The following INPP5A variants were observed in gnomAD, a reference collection of about 807,000 sequenced individuals.
The protein encoded by INPP5A is inositol polyphosphate-5-phosphatase A, also known as 43 kDa inositol polyphosphate 5-phophatase.
In INPP5A, 14 loss-of-function variants were observed where a neutral mutation model predicts 65.2. That is an observed-to-expected ratio of 0.21 (90% CI 0.14 to 0.34). The LOEUF (loss-of-function observed/expected upper bound fraction) is 0.34, where lower values mean the gene tolerates loss of function less well. INPP5A is among the 10% of genes least tolerant of loss of function. The pLI, the probability that INPP5A is intolerant of heterozygous loss-of-function variation, is 1.00. For missense variants in INPP5A, 431 were observed against 545.6 expected, an observed-to-expected ratio of 0.79 and a Z score of 2.09; for synonymous variants, 207 against 208.3, an observed-to-expected ratio of 0.99 and a Z score of 0.05.
intron 6 of INPP5A, among the ~76,000 whole-genome samples, chr10:132,699,105 T>C (rs544306260): frequency 2.6e-5 from 4 of 152,322 alleles, no homozygotes; most frequent in Non-Finnish European, 5.9e-5. Context: ...GAAAGCTCCA[T>C]GGTCTTCTCC....
At chr10:132,604,331 C>T (rs775931209) in intron 1 of INPP5A, among the ~76,000 whole-genome samples, 2 of 151,408 alleles carry the variant, frequency 1.3e-5, no homozygotes, top group African/African-American at 4.9e-5. Flanking sequence ...GCGCCCTGTG[C>T]CATCAGGGTC....
chr10:132,570,200 G>C (rs1277504939), intron 1 of INPP5A, among the ~76,000 whole-genome samples: 3 of 152,218 alleles, frequency 2.0e-5, no homozygotes, highest in African/African-American at 7.2e-5. Context: ...ACTCGCCTCA[G>C]CCTCCCAAAG....
intron 1 of INPP5A, among the ~76,000 whole-genome samples, chr10:132,559,877 T>C (rs540872139): frequency 1.3e-5 from 2 of 152,380 alleles, no homozygotes; most frequent in South Asian, 4.1e-4. Flanking sequence ...TCACATTTCA[T>C]GTATCTGTTC....
At chr10:132,711,149 C>G (rs1564976590) in intron 8 of INPP5A, among the ~76,000 whole-genome samples, 1 of 152,172 alleles carries the variant, frequency 6.6e-6, no homozygotes, top group African/African-American at 2.4e-5. Flanking sequence ...GAATAGGACA[C>G]TGAAGAGTCA....
At chr10:132,579,421 C>T (rs963436342) in intron 1 of INPP5A, among the ~76,000 whole-genome samples, 8 of 152,058 alleles carry the variant, frequency 5.3e-5, no homozygotes, top group African/African-American at 1.2e-4. Flanking sequence ...ACCGGTGGCT[C>T]TGGTGGGAGC....
chr10:132,639,131 T>C (rs1169352473), intron 2 of INPP5A, among the ~76,000 whole-genome samples: 1 of 152,144 alleles, frequency 6.6e-6, no homozygotes, highest in East Asian at 1.9e-4. Flanking sequence ...TTCCTGCCTT[T>C]CCTTATTCTT....
At chr10:132,755,596 A>T (rs55853832) in intron 11 of INPP5A, among the ~76,000 whole-genome samples, 2,618 of 146,400 alleles carry the variant, frequency 0.018, 39 homozygotes, top group South Asian at 0.04. Flanking sequence ...GTGAGCAGGC[A>T]TATGCATATG....
chr10:132,572,262 G>A (rs1410309815), intron 1 of INPP5A, among the ~76,000 whole-genome samples: 3 of 152,198 alleles, frequency 2.0e-5, no homozygotes, highest in Non-Finnish European at 4.4e-5. Context: ...GAAGAATGTC[G>A]GAGTTTCTCA....
chr10:132,731,087 G>C (rs1846076555), intron 9 of INPP5A, among the ~76,000 whole-genome samples: 1 of 152,202 alleles, frequency 6.6e-6, no homozygotes, highest in South Asian at 2.1e-4. Flanking sequence ...TGGGCCCTGG[G>C]TGGGGTCTCC....
rs1278798625 is a variant in INPP5A, at chr10:132,545,914, G to T, written c.75+7743G>T. ...TTGCTGCCTCCGCTCGGCCTGAGGT[G>T]ATGAGAGTGTGGATGGCACCTGCAC... On this transcript the variant is annotated intron_variant, in intron 1 of 15. Transcript: ENST00000368594. The surrounding 1 kb of genome is among the most constrained non-coding windows in gnomAD (Gnocchi z 4.6). Among the ~76,000 whole-genome samples the T allele has an allele frequency of 6.6e-6, 1 of 152,254 alleles. No homozygotes were observed. The highest frequency in any genetic ancestry group is 2.4e-5 in the African/African-American group (1 of 41,474).
chr10:132,776,906 C>T (rs944271401), intron 12 of INPP5A, among the ~76,000 whole-genome samples: 6 of 152,166 alleles, frequency 3.9e-5, no homozygotes, highest in African/African-American at 9.6e-5. Context: ...TGTGTGAGGG[C>T]GGGGGCCAAT....
Position 132,676,761 on chromosome 10 carries a change from G to A in INPP5A, c.307-13631G>A, listed in dbSNP as rs539824806. Among the ~76,000 whole-genome samples, 4 of 152,262 alleles carry A rather than the reference G, an allele frequency of 2.6e-5. No individual in the cohort carries two copies. The highest frequency in any genetic ancestry group is 4.1e-4 in the South Asian group (2 of 4,820). ...CTGACCGGCCCCTCCTGTTTCCCCC[G>A]TGGCTCCTTGCCCCACTGACTGCTG... On this transcript the variant is annotated intron_variant, in intron 4 of 15. Coordinates refer to ENST00000368594, the MANE Select transcript of INPP5A (RefSeq NM_005539.5). This position sits in a 1 kb window ranked among gnomAD's most constrained non-coding sequence, Gnocchi z 4.0.
At chr10:132,614,061 C>T (rs932872155) in intron 2 of INPP5A, among the ~76,000 whole-genome samples, 3 of 152,168 alleles carry the variant, frequency 2.0e-5, no homozygotes, top group African/African-American at 4.8e-5. Flanking sequence ...GTGCCTCCAT[C>T]GCCAGTCGTG....
intron 4 of INPP5A, among the ~76,000 whole-genome samples, chr10:132,656,731 A>G (rs1178843135): frequency 6.6e-6 from 1 of 152,148 alleles, no homozygotes; most frequent in African/African-American, 2.4e-5. Context: ...CGGGCTCCTG[A>G]GAGGATTTTT....
rs548374025 is a variant in INPP5A at position 132,647,147 on chromosome 10, G to A, written c.218+1179G>A. On this transcript the variant is annotated intron_variant, in intron 3 of 15. Transcript: ENST00000368594. ...TTTTTTTGTTTTGAGACGGAGTCTC[G>A]CTCTGTTGCCCAGGCTGGAGTGCAG... 3.4e-5 allele frequency among the ~76,000 whole-genome samples: 5 copies of A among 146,820 alleles called. No homozygotes were observed. In the South Asian group the frequency reaches 6.4e-4, roughly 19 times the overall value.
At chr10:132,571,960 A>T (rs374566279) in intron 1 of INPP5A, among the ~76,000 whole-genome samples, 1 of 152,232 alleles carries the variant, frequency 6.6e-6, no homozygotes, top group East Asian at 1.9e-4. Context: ...TCTGTCCCCC[A>T]CTGCTGTGCC....
At chr10:132,577,471 G>T (rs954188338) in intron 1 of INPP5A, among the ~76,000 whole-genome samples, 1 of 152,248 alleles carries the variant, frequency 6.6e-6, no homozygotes, top group African/African-American at 2.4e-5. Flanking sequence ...CCCCGGGCCA[G>T]GGAACGGGAC....
intron 12 of INPP5A, among the ~76,000 whole-genome samples, chr10:132,766,379 G>T (rs1196608675): frequency 6.6e-6 from 1 of 152,248 alleles, no homozygotes; most frequent in Non-Finnish European, 1.5e-5. Context: ...GGGACTGTGT[G>T]TTATGGATCT....
intron 4 of INPP5A, among the ~76,000 whole-genome samples, chr10:132,684,472 G>C (rs906469458): frequency 3.9e-5 from 6 of 152,224 alleles, no homozygotes; most frequent in African/African-American, 1.4e-4. Context: ...GTGTGTGCAT[G>C]GATGTGTACA....
Sources: allele counts gnomAD v4.1 joint callset (sites outside exome capture counted in the v4.1 genomes callset), GRCh38; gene constraint gnomAD v4.1.1; non-coding constraint Gnocchi (gnomAD v3.1); transcripts MANE v1.5; gene names NCBI Gene and HGNC (gene_info 2026-07-23, HGNC 2026-07-21).